RASAL2: variants seen among roughly 807,000 people sequenced by gnomAD.
The protein encoded by RASAL2 is RAS protein activator like 2.
RASAL2 carries 58 observed loss-of-function variants against 128.9 expected under a neutral mutation model. The ratio of observed to expected loss-of-function variants is 0.45; its 90% CI spans 0.36 to 0.56. The LOEUF is 0.56. Among genes scored for constraint, RASAL2 ranks in the 20% least tolerant of loss-of-function variants. The pLI is 0.00. For synonymous variants in RASAL2, 561 were observed against 580.8 expected (o/e 0.97, Z 0.49); for missense variants, 1,360 against 1,601.6 (o/e 0.85, Z 2.57).
chr1:178,272,416 G>C (rs1188850949), intron 1 of RASAL2, among the ~76,000 whole-genome samples: 1 of 152,006 alleles, frequency 6.6e-6, no homozygotes, highest in Non-Finnish European at 1.5e-5. Flanking sequence ...TGATCTCTAA[G>C]ATACCTTTTA....
intron 15 of RASAL2, 36 bp from the exon 16 acceptor site, chr1:178,465,884 A>C: frequency 7.2e-7 from 1 of 1,397,318 alleles, no homozygotes; most frequent in South Asian, 1.4e-5. Context: ...AAGCAATGTG[A>C]CTCTAGTTTT....
chr1:178,141,244 A>AAAC (rs1660523126), intron 1 of RASAL2, among the ~76,000 whole-genome samples: 1 of 141,720 alleles, frequency 7.1e-6, no homozygotes, highest in South Asian at 2.3e-4. Flanking sequence ...AATAGAGTGA[A>AAAC]AACAGAGCTC....
intron 1 of RASAL2, among the ~76,000 whole-genome samples, chr1:178,098,940 C>T (rs757213626): frequency 3.3e-5 from 5 of 152,092 alleles, no homozygotes; most frequent in Non-Finnish European, 7.4e-5. Flanking sequence ...AGTGGGAATT[C>T]GGTAAGAATT....
chr1:178,185,551 A>G (rs1662263119), intron 1 of RASAL2, among the ~76,000 whole-genome samples: 1 of 151,856 alleles, frequency 6.6e-6, no homozygotes, highest in Non-Finnish European at 1.5e-5. Flanking sequence ...GTTTGTTAAC[A>G]TAGATGAACT....
At chr1:178,229,456 G>A (rs1663916667) in intron 1 of RASAL2, among the ~76,000 whole-genome samples, 1 of 152,032 alleles carries the variant, frequency 6.6e-6, no homozygotes, top group Non-Finnish European at 1.5e-5. Flanking sequence ...TTGAAGCAAG[G>A]AGGATGGTTA....
chr1:178,202,888 G>A (rs1439613310), intron 1 of RASAL2, among the ~76,000 whole-genome samples: 1 of 152,198 alleles, frequency 6.6e-6, no homozygotes, highest in Non-Finnish European at 1.5e-5. Flanking sequence ...GGTGGCAGGG[G>A]TGGAGGTTAT....
chr1:178,122,593 A>G (rs1356414128), intron 1 of RASAL2, among the ~76,000 whole-genome samples: 1 of 152,222 alleles, frequency 6.6e-6, no homozygotes, highest in Non-Finnish European at 1.5e-5. Context: ...ATGAAGACTG[A>G]TTCATGAACT....
chr1:178,443,091 A>G lies in RASAL2; in HGVS notation c.1344A>G (p.Gln448=). The G allele has an allele frequency of 1.2e-6, 2 of 1,614,004 alleles. No individual in the cohort carries two copies. The highest frequency in any genetic ancestry group is 1.7e-6 in the Non-Finnish European group (2 of 1,179,938). ...FQTITILPME[Q]YKEFAEFVTS... Reference sequence around the variant, plus strand: ...CTATCACCATTCTGCCTATGGAGCAATACAAAGAATTTGCAGAATTTGTCA... The same window carrying G: ...CTATCACCATTCTGCCTATGGAGCAGTACAAAGAATTTGCAGAATTTGTCA... Residue 448 remains glutamine, a synonymous_variant, in exon 8 of 18, where the codon CAA becomes CAG. Transcript: ENST00000367649.
chr1:178,419,083 T>G (rs1001765931), intron 4 of RASAL2, among the ~76,000 whole-genome samples: 2 of 152,134 alleles, frequency 1.3e-5, no homozygotes, highest in African/African-American at 4.8e-5. Context: ...ACAGTGGGCT[T>G]TGGTAGTTAC....
chr1:178,344,708 T>C (rs571325297), intron 3 of RASAL2, among the ~76,000 whole-genome samples: 1 of 152,344 alleles, frequency 6.6e-6, no homozygotes, highest in East Asian at 1.9e-4. Context: ...GACTATTGTA[T>C]TGTGAAATAA....
At chr1:178,246,913 AAGCTGCCTTG>A (rs1385750093) in intron 1 of RASAL2, among the ~76,000 whole-genome samples, 1 of 152,190 alleles carries the variant, frequency 6.6e-6, no homozygotes, top group Non-Finnish European at 1.5e-5. Flanking sequence ...CACAGGGATG[AAGCTGCCTTG>A]ATTGTGGTGG....
At position 178,197,607 on chromosome 1, in the gene RASAL2, T is replaced by TG. The variant is rs760144951; in HGVS notation, c.203-85953dup. 6.6e-3 allele frequency among the ~76,000 whole-genome samples: 872 copies of TG among 131,562 alleles called. 5 individuals carry two copies. Among genetic ancestry groups the TG allele is most frequent in the Admixed American group, 0.013 (166 of 13,264 alleles). 86.3% of individuals were successfully genotyped at this position (131,562 alleles called of 152,430 possible). On this transcript the variant is annotated intron_variant, in intron 1 of 17. Coordinates refer to ENST00000367649, the MANE Select transcript of RASAL2 (RefSeq NM_170692.4). ...CTGGGCAACAGAGCTAGACTCCATC[T>TG]GGGGAAAAAAAAAAAAAAAAAAAAG...
At chr1:178,154,415 CT>C (rs1661014234) in intron 1 of RASAL2, among the ~76,000 whole-genome samples, 1 of 152,120 alleles carries the variant, frequency 6.6e-6, no homozygotes, top group Non-Finnish European at 1.5e-5. Context: ...TCCCAAAGTG[CT>C]GGGATTACAG....
intron 1 of RASAL2, among the ~76,000 whole-genome samples, chr1:178,167,976 T>C (rs1661575547): frequency 6.6e-6 from 1 of 151,956 alleles, no homozygotes. Flanking sequence ...AAAATAACAG[T>C]TCTTCTTGGA....
At chr1:178,205,629 C>T (rs1307150395) in intron 1 of RASAL2, among the ~76,000 whole-genome samples, 7 of 151,942 alleles carry the variant, frequency 4.6e-5, no homozygotes, top group African/African-American at 1.2e-4. Flanking sequence ...TGGTGGCGGG[C>T]GCCTATACTC....
chr1:178,362,399 G>A (rs1053878012), intron 3 of RASAL2, among the ~76,000 whole-genome samples: 1 of 151,938 alleles, frequency 6.6e-6, no homozygotes, highest in Non-Finnish European at 1.5e-5. Flanking sequence ...GATTACTACA[G>A]TCCAGCAAAT....
At chr1:178,456,628 C>A in intron 12 of RASAL2, 93 bp from the exon 13 acceptor site, 1 of 1,332,752 alleles carries the variant, frequency 7.5e-7, no homozygotes, top group Non-Finnish European at 1.1e-6. Context: ...CAACCTACAC[C>A]CCTCCATCAA....
At chr1:178,318,934 G>A (rs1668621242) in intron 3 of RASAL2, among the ~76,000 whole-genome samples, 1 of 152,016 alleles carries the variant, frequency 6.6e-6, no homozygotes, top group Non-Finnish European at 1.5e-5. Context: ...GCTGGTACCG[G>A]TTGTTCCTTT....
chr1:178,310,895 A>G (rs1339615382), intron 3 of RASAL2, among the ~76,000 whole-genome samples: 1 of 152,126 alleles, frequency 6.6e-6, no homozygotes, highest in Admixed American at 6.6e-5. Context: ...TGTATAGGCT[A>G]TTGTCATGGT....
Sources: gnomAD v4.1 joint callset for allele counts (sites outside exome capture counted in the v4.1 genomes callset) on GRCh38, gnomAD v4.1.1 for gene constraint, MANE v1.5 for transcripts, NCBI Gene and HGNC (gene_info 2026-07-23, HGNC 2026-07-21) for gene names.